Variants in MIB1 observed in about 807,000 individuals in gnomAD.
The protein encoded by MIB1 is E3 ubiquitin-protein ligase MIB1.
A neutral mutation model predicts 124.5 loss-of-function variants in MIB1; 278 were observed. The ratio of observed to expected loss-of-function variants is 2.23; its 90% CI spans 2.02 to 2.47. MIB1 has a LOEUF of 2.47. Ranked by LOEUF, MIB1 falls within the 30% of genes most tolerant of loss-of-function variation. The pLI is 0.00. For missense variants in MIB1, 957 were observed against 1,254.4 expected (o/e 0.76, Z 3.58); for synonymous variants, 446 against 429.4 (o/e 1.04, Z -0.48).
At chr18:21,720,539 C>T (rs780998087) in intron 1 of MIB1, among the ~76,000 whole-genome samples, 1 of 151,168 alleles carries the variant, frequency 6.6e-6, no homozygotes, top group Non-Finnish European at 1.5e-5. Flanking sequence ...AATCAGAGGT[C>T]TATGCAATGT....
chr18:21,748,390 C>A (rs1201642467), intron 1 of MIB1, among the ~76,000 whole-genome samples: 3 of 103,046 alleles, frequency 2.9e-5, no homozygotes, highest in Non-Finnish European at 3.8e-5. Flanking sequence ...CTCCCTCTCT[C>A]CCCCCTCCCT....
At chr18:21,804,558 G>A (rs1486161085) in intron 10 of MIB1, among the ~76,000 whole-genome samples, 1 of 152,090 alleles carries the variant, frequency 6.6e-6, no homozygotes, top group African/African-American at 2.4e-5. Context: ...TAATATCATT[G>A]GAGTCTTGAC....
chr18:21,838,734 C>T (rs762201735), intron 13 of MIB1, among the ~76,000 whole-genome samples: 4 of 152,144 alleles, frequency 2.6e-5, no homozygotes, highest in African/African-American at 4.8e-5. Context: ...TTCCTCTGCA[C>T]AGTCTTCCTG....
intron 12 of MIB1, among the ~76,000 whole-genome samples, chr18:21,833,169 T>C (rs770581221): frequency 2.6e-5 from 4 of 152,186 alleles, no homozygotes; most frequent in East Asian, 1.9e-4. Flanking sequence ...GCCACATTGC[T>C]CCTCAGATTT....
chr18:21,743,659 T>C (rs913112213), intron 1 of MIB1, among the ~76,000 whole-genome samples: 2 of 152,210 alleles, frequency 1.3e-5, no homozygotes, highest in African/African-American at 4.8e-5. Flanking sequence ...CAGGGTTTTG[T>C]TTTGTTACCT....
chr18:21,709,893 G>T (rs547156098), intron 1 of MIB1, among the ~76,000 whole-genome samples: 2 of 152,356 alleles, frequency 1.3e-5, no homozygotes, highest in Admixed American at 1.3e-4. Flanking sequence ...ATGTGCAAGG[G>T]TCTGAAGATA....
chr18:21,785,501 A>G (rs1298635946), intron 6 of MIB1, among the ~76,000 whole-genome samples: 1 of 152,192 alleles, frequency 6.6e-6, no homozygotes, highest in Non-Finnish European at 1.5e-5. Flanking sequence ...GAAAACTAAA[A>G]GACTCTACAC....
At chr18:21,745,184 T>C (rs1568183743) in intron 1 of MIB1, among the ~76,000 whole-genome samples, 3 of 152,274 alleles carry the variant, frequency 2.0e-5, no homozygotes, top group South Asian at 2.1e-4. Flanking sequence ...AGTGCAGTAC[T>C]GTATAGAAGA....
chr18:21,773,159 A>G (rs1047594718), intron 3 of MIB1, among the ~76,000 whole-genome samples: 1 of 152,024 alleles, frequency 6.6e-6, no homozygotes, highest in Non-Finnish European at 1.5e-5. Flanking sequence ...TCAGCTACTC[A>G]GGAGGCTGAG....
At chr18:21,767,059 T>C (rs1402593265) in intron 2 of MIB1, among the ~76,000 whole-genome samples, 1 of 152,190 alleles carries the variant, frequency 6.6e-6, no homozygotes, top group East Asian at 1.9e-4. Context: ...GTTCATAATC[T>C]TCTGTAAGTA....
At chr18:21,811,644 ATAG>A (rs1278380429) in intron 10 of MIB1, among the ~76,000 whole-genome samples, 1 of 152,190 alleles carries the variant, frequency 6.6e-6, no homozygotes, top group Non-Finnish European at 1.5e-5. Context: ...AGAAGTATAG[ATAG>A]TAGTCAAAAT....
At chr18:21,751,212 G>GA (rs1245300663) in intron 1 of MIB1, among the ~76,000 whole-genome samples, 175 of 148,846 alleles carry the variant, frequency 1.2e-3, no homozygotes, top group African/African-American at 3.9e-3. Context: ...AAACAGAGGG[G>GA]AAAAAAAAAG....
rs2146498430 is a variant in MIB1, at chr18:21,837,123, CCAAA to C, written c.1830-1239_1830-1236del. Among the ~76,000 whole-genome samples the C allele has an allele frequency of 1.3e-5, 2 of 152,234 alleles. 1 individual carries two copies. The highest frequency in any genetic ancestry group is 4.2e-4 in the South Asian group (2 of 4,816). Reference sequence around the variant, plus strand: ...AGCTTTCCAAAGAAGCCTGTTATCCCCAAACAGTGATTGTTACTCAGTTACAGCC... The same window carrying C: ...AGCTTTCCAAAGAAGCCTGTTATCCCCAGTGATTGTTACTCAGTTACAGCC... On this transcript the variant is annotated intron_variant, in intron 12 of 20. Transcript: ENST00000261537.
intron 1 of MIB1, among the ~76,000 whole-genome samples, chr18:21,725,363 G>A (rs545172670): frequency 3.9e-5 from 6 of 152,282 alleles, no homozygotes; most frequent in Non-Finnish European, 8.8e-5. Flanking sequence ...CGCCTGTGGA[G>A]TCCTAGTGAA....
intron 20 of MIB1, among the ~76,000 whole-genome samples, chr18:21,859,886 CAAAAAAAAAAAAAAAA>C (rs934260189): frequency 3.5e-5 from 1 of 28,416 alleles, no homozygotes; most frequent in Admixed American, 5.1e-4. Flanking sequence ...GAGACTGTCT[CAAAAAAAAAAAAAAAA>C]AAAAAAAAAG....
intron 5 of MIB1, among the ~76,000 whole-genome samples, chr18:21,778,424 A>G (rs890383209): frequency 1.3e-5 from 2 of 152,120 alleles, no homozygotes; most frequent in Non-Finnish European, 2.9e-5. Flanking sequence ...TTTAACTGCA[A>G]ATTATATTGT....
intron 6 of MIB1, among the ~76,000 whole-genome samples, chr18:21,787,086 G>A (rs542499258): frequency 6.6e-6 from 1 of 151,410 alleles, no homozygotes; most frequent in South Asian, 2.1e-4. Flanking sequence ...TTGCTTAGAA[G>A]TTCTTTGCAA....
intron 1 of MIB1, among the ~76,000 whole-genome samples, chr18:21,731,593 G>A (rs775830400): frequency 3.9e-5 from 6 of 151,930 alleles, no homozygotes; most frequent in Admixed American, 6.6e-5. Flanking sequence ...ATTAGCCGGC[G>A]TGGTGGCGGG....
In MIB1 at chr18:21,853,153, T is replaced by TTACC. The variant is rs754238534; in HGVS notation, c.2600_2601insTACC (p.Val868ThrfsTer5). ...CTTTTTCTATAGATTGAAGAATGTG[T>TTACC]GGTATGCTCTGACAAGAAAGCAGCT... On this transcript the variant is annotated frameshift_variant, in exon 18 of 21. Transcript: ENST00000261537. LOFTEE classifies it high-confidence loss of function. 3 of 1,612,594 alleles carry TTACC rather than the reference T, an allele frequency of 1.9e-6. No individual in the cohort carries two copies. In the Admixed American group the frequency reaches 5.0e-5, roughly 27 times the overall value.
Sources: allele counts gnomAD v4.1 joint callset (sites outside exome capture counted in the v4.1 genomes callset), GRCh38; gene constraint gnomAD v4.1.1; transcripts MANE v1.5; gene names NCBI Gene and HGNC (gene_info 2026-07-23, HGNC 2026-07-21).